The following ANKRD44 variants were observed in gnomAD, a reference collection of about 807,000 sequenced individuals.
The protein encoded by ANKRD44 is ankyrin repeat domain 44.
ANKRD44 carries 35 observed loss-of-function variants against 116.0 expected under a neutral mutation model. The ratio of observed to expected loss-of-function variants is 0.30; its 90% CI spans 0.23 to 0.40. The LOEUF (loss-of-function observed/expected upper bound fraction) is 0.40, where lower values mean the gene tolerates loss of function less well. Among genes scored for constraint, ANKRD44 ranks in the 10% least tolerant of loss-of-function variants. The pLI is 1.00. For missense variants in ANKRD44, 1,014 were observed against 1,242.6 expected, an observed-to-expected ratio of 0.82 and a Z score of 2.77; for synonymous variants, 435 against 461.8, an observed-to-expected ratio of 0.94 and a Z score of 0.74.
chr2:197,284,468 A>G (rs1415065806), intron 1 of ANKRD44, among the ~76,000 whole-genome samples: 1 of 151,708 alleles, frequency 6.6e-6, no homozygotes, highest in Non-Finnish European at 1.5e-5. Flanking sequence ...ATACCACCAC[A>G]TGGTCAAACA....
chr2:197,165,716 G>T (rs1417137878), intron 2 of ANKRD44, among the ~76,000 whole-genome samples: 1 of 152,156 alleles, frequency 6.6e-6, no homozygotes, highest in African/African-American at 2.4e-5. Flanking sequence ...TATGATGCTG[G>T]CATATATAGC....
At chr2:197,037,941 T>A (rs543945683) in intron 16 of ANKRD44, among the ~76,000 whole-genome samples, 1 of 151,006 alleles carries the variant, frequency 6.6e-6, no homozygotes, top group African/African-American at 2.4e-5. Context: ...GACCTTGTCT[T>A]AAAAAAAAAT....
At chr2:197,141,869 T>C (rs1457167125) in intron 3 of ANKRD44, among the ~76,000 whole-genome samples, 1 of 152,252 alleles carries the variant, frequency 6.6e-6, no homozygotes, top group Non-Finnish European at 1.5e-5. Context: ...TGTTTACATG[T>C]CAGAGGGAGA....
At chr2:196,981,281 CA>C (rs2075799625) in intron 21 of ANKRD44, among the ~76,000 whole-genome samples, 3 of 152,350 alleles carry the variant, frequency 2.0e-5, no homozygotes, top group African/African-American at 7.2e-5. Flanking sequence ...AAAAGCACCA[CA>C]GTTCCATAAC....
At chr2:197,141,184 T>C (rs1474399962) in intron 3 of ANKRD44, among the ~76,000 whole-genome samples, 1 of 152,134 alleles carries the variant, frequency 6.6e-6, no homozygotes, top group Non-Finnish European at 1.5e-5. Flanking sequence ...GCCACTGCCC[T>C]CCAGCCTGGG....
intron 1 of ANKRD44, among the ~76,000 whole-genome samples, chr2:197,208,090 T>A (rs1053245920): frequency 6.6e-6 from 1 of 152,204 alleles, no homozygotes; most frequent in South Asian, 2.1e-4. Context: ...CTAAATATGT[T>A]ACTGTCAATG....
intron 2 of ANKRD44, among the ~76,000 whole-genome samples, chr2:197,177,320 T>C (rs750117134): frequency 6.6e-6 from 1 of 152,196 alleles, no homozygotes; most frequent in Admixed American, 6.5e-5. Flanking sequence ...GTGATGATGG[T>C]AGAAGAAAGA....
chr2:197,084,771 T>G (rs1005721416), intron 13 of ANKRD44, among the ~76,000 whole-genome samples: 2 of 152,224 alleles, frequency 1.3e-5, no homozygotes, highest in Non-Finnish European at 2.9e-5. Context: ...AAAGAAATTT[T>G]AAATATTTTA....
At chr2:197,294,523 A>G (rs2083662325) in intron 1 of ANKRD44, among the ~76,000 whole-genome samples, 1 of 152,062 alleles carries the variant, frequency 6.6e-6, no homozygotes, top group Non-Finnish European at 1.5e-5. Context: ...TTATAATTCT[A>G]ATGAAATGAA....
intron 1 of ANKRD44, among the ~76,000 whole-genome samples, chr2:197,187,937 A>G (rs1320261781): frequency 6.6e-6 from 1 of 151,906 alleles, no homozygotes; most frequent in Non-Finnish European, 1.5e-5. Context: ...TTGTTAGACA[A>G]TGTTCCTTGT....
chr2:197,284,550 T>C (rs934473035), intron 1 of ANKRD44, among the ~76,000 whole-genome samples: 1 of 148,876 alleles, frequency 6.7e-6, no homozygotes, highest in African/African-American at 2.6e-5. Flanking sequence ...ACATAATTTG[T>C]GTGTTTAAAC....
At chr2:197,195,520 C>T (rs1384019768) in intron 1 of ANKRD44, among the ~76,000 whole-genome samples, 2 of 152,108 alleles carry the variant, frequency 1.3e-5, no homozygotes, top group Non-Finnish European at 2.9e-5. Flanking sequence ...GTGAAAACAA[C>T]AGATATAGTT....
intron 9 of ANKRD44, among the ~76,000 whole-genome samples, chr2:197,102,463 C>T (rs768607367): frequency 2.0e-5 from 3 of 152,118 alleles, no homozygotes; most frequent in Non-Finnish European, 4.4e-5. Context: ...TTCCTTATAG[C>T]CTTGTCAAGC....
At chr2:196,998,644 G>A (rs2076058035) in intron 24 of ANKRD44, among the ~76,000 whole-genome samples, 1 of 152,226 alleles carries the variant, frequency 6.6e-6, no homozygotes, top group Non-Finnish European at 1.5e-5. Context: ...ATTATTCCCA[G>A]TTAAAATGAT....
intron 1 of ANKRD44, among the ~76,000 whole-genome samples, chr2:197,280,331 T>C (rs2083227146): frequency 6.6e-6 from 1 of 152,214 alleles, no homozygotes; most frequent in South Asian, 2.1e-4. Flanking sequence ...AGCATCTGGA[T>C]AAAGCATTGG....
chr2:197,059,015 T>TA (rs2077257781), intron 16 of ANKRD44, among the ~76,000 whole-genome samples: 1 of 72,338 alleles, frequency 1.4e-5, no homozygotes, highest in South Asian at 5.6e-4. Context: ...TTACCTCTTT[T>TA]AATCAACAAT....
intron 16 of ANKRD44, among the ~76,000 whole-genome samples, chr2:197,026,369 G>T (rs553758827): frequency 6.6e-6 from 1 of 152,350 alleles, no homozygotes; most frequent in Non-Finnish European, 1.5e-5. Flanking sequence ...AGATTAGTTT[G>T]TAACTTTATG....
At chr2:196,994,112 G>A (rs1319910270) in intron 26 of ANKRD44, among the ~76,000 whole-genome samples, 2 of 152,148 alleles carry the variant, frequency 1.3e-5, no homozygotes, top group Non-Finnish European at 1.5e-5. Flanking sequence ...GCACACAGAT[G>A]TTTTACTGAA....
chr2:197,059,435 C>A (rs1559028892), intron 16 of ANKRD44, among the ~76,000 whole-genome samples: 2 of 152,104 alleles, frequency 1.3e-5, no homozygotes, highest in African/African-American at 4.8e-5. Context: ...CTAGCCCAGT[C>A]AATAAAATAT....
Sources: gnomAD v4.1 joint callset for allele counts (sites outside exome capture counted in the v4.1 genomes callset) on GRCh38, gnomAD v4.1.1 for gene constraint, MANE v1.5 for transcripts, NCBI Gene and HGNC (gene_info 2026-07-23, HGNC 2026-07-21) for gene names.